The following IPCEF1 variants were observed in gnomAD, a reference collection of about 807,000 sequenced individuals.
The protein encoded by IPCEF1 is interactor protein for cytohesin exchange factors 1.
A neutral mutation model predicts 50.9 loss-of-function variants in IPCEF1; 31 were observed. The ratio of observed to expected loss-of-function variants is 0.61; its 90% confidence interval spans 0.46 to 0.82. IPCEF1 has a LOEUF of 0.82. Among genes scored for constraint, IPCEF1 ranks in the 40% least tolerant of loss-of-function variants. The pLI is 0.00. For missense variants in IPCEF1, 458 were observed against 514.0 expected (o/e 0.89, Z 1.05); for synonymous variants, 181 against 192.0 (o/e 0.94, Z 0.47).
intron 1 of IPCEF1, among the ~76,000 whole-genome samples, chr6:154,315,417 T>C (rs548722677): frequency 6.6e-6 from 1 of 152,322 alleles, no homozygotes; most frequent in African/African-American, 2.4e-5. Context: ...CTTTCTCTAA[T>C]AACAGCTGTT....
chr6:154,293,886 C>T (rs968982711), intron 1 of IPCEF1, among the ~76,000 whole-genome samples: 2 of 152,194 alleles, frequency 1.3e-5, no homozygotes, highest in Non-Finnish European at 2.9e-5. Context: ...AATGTTTCAA[C>T]TGTGAAGTCT....
intron 9 of IPCEF1, among the ~76,000 whole-genome samples, chr6:154,208,847 T>C (rs1453197881): frequency 6.6e-6 from 1 of 152,242 alleles, no homozygotes; most frequent in Non-Finnish European, 1.5e-5. Context: ...CAAATTGTCT[T>C]CCAGAGTGAA....
intron 10 of IPCEF1, among the ~76,000 whole-genome samples, chr6:154,185,196 G>A (rs1256669499): frequency 2.0e-5 from 3 of 152,168 alleles, no homozygotes; most frequent in Non-Finnish European, 4.4e-5. Flanking sequence ...AGAAAACAGA[G>A]CCTAGCAAGG....
chr6:154,233,608 T>C (rs932596169), intron 5 of IPCEF1, among the ~76,000 whole-genome samples: 3 of 152,116 alleles, frequency 2.0e-5, no homozygotes, highest in Middle Eastern at 3.2e-3. Flanking sequence ...GCATTGATTA[T>C]AAAAACAGAT....
At position 154,337,463 on chromosome 6, in the gene IPCEF1, C is replaced by A. The variant is rs547949090; in HGVS notation, c.-62+19209G>T. Among the ~76,000 whole-genome samples the A allele has an allele frequency of 3.5e-4, 53 of 152,294 alleles. 2 individuals are homozygous for A. The South Asian group carries it at 7.9e-3, about 23-fold the overall frequency. On this transcript the variant is annotated intron_variant, in intron 1 of 11. Coordinates refer to ENST00000367220, the MANE Select transcript of IPCEF1 (RefSeq NM_001130700.2). ...TGTCACACTTACTCAAAGCCCCAGA[C>A]CATGCAATGACATTCAGATAAGCAA... is the stretch of plus-strand genomic sequence containing the variant.
chr6:154,173,323 A>T (rs775397676), intron 10 of IPCEF1, among the ~76,000 whole-genome samples: 16 of 152,226 alleles, frequency 1.1e-4, no homozygotes, highest in Non-Finnish European at 2.4e-4. Context: ...AATGAATTTG[A>T]TGAGTTGACA....
chr6:154,302,490 G>T lies in IPCEF1; in HGVS notation c.-61-12734C>A, dbSNP rs115721808. Among the ~76,000 whole-genome samples, 8 of 152,068 alleles carry T rather than the reference G, an allele frequency of 5.3e-5. No homozygotes were observed. The East Asian group carries it at 1.2e-3, about 22-fold the overall frequency. On this transcript the variant is annotated intron_variant, in intron 1 of 11. Transcript: ENST00000367220. Reference sequence around the variant, plus strand: ...AGCTTTTTCTTTTCTTCTCTTTAGTGGGGGAAGGGGGTTTTGCTGTGTCTC... The same window carrying T: ...AGCTTTTTCTTTTCTTCTCTTTAGTTGGGGAAGGGGGTTTTGCTGTGTCTC...
At chr6:154,284,837 T>C (rs1782319412) in intron 2 of IPCEF1, among the ~76,000 whole-genome samples, 1 of 152,046 alleles carries the variant, frequency 6.6e-6, no homozygotes, top group Non-Finnish European at 1.5e-5. Context: ...CCGTCTCTAC[T>C]AAAAATACAA....
At chr6:154,329,605 AAAAG>A (rs553540365) in intron 1 of IPCEF1, among the ~76,000 whole-genome samples, 195 of 152,098 alleles carry the variant, frequency 1.3e-3, no homozygotes, top group African/African-American at 3.7e-3. Context: ...AAAAGAAAAA[AAAAG>A]AAAGAAAGAG....
At chr6:154,276,757 T>G (rs1782073586) in intron 2 of IPCEF1, among the ~76,000 whole-genome samples, 2 of 152,212 alleles carry the variant, frequency 1.3e-5, no homozygotes, top group Non-Finnish European at 2.9e-5. Flanking sequence ...AAACAGTAGA[T>G]CTCATTACAT....
intron 7 of IPCEF1, among the ~76,000 whole-genome samples, chr6:154,218,662 G>T (rs570358140): frequency 1.3e-5 from 2 of 152,342 alleles, no homozygotes; most frequent in African/African-American, 4.8e-5. Context: ...TCTTGTGGGA[G>T]AAGGGAGAAG....
chr6:154,239,455 A>G (rs949888592), intron 5 of IPCEF1, among the ~76,000 whole-genome samples: 1 of 152,234 alleles, frequency 6.6e-6, no homozygotes, highest in African/African-American at 2.4e-5. Flanking sequence ...AGAATTCAAG[A>G]AAGTCCTCAA....
intron 5 of IPCEF1, among the ~76,000 whole-genome samples, chr6:154,232,206 C>T (rs1354140620): frequency 6.6e-6 from 1 of 152,218 alleles, no homozygotes; most frequent in African/African-American, 2.4e-5. Flanking sequence ...CATCCTGCAA[C>T]TATCACAGAG....
intron 5 of IPCEF1, among the ~76,000 whole-genome samples, chr6:154,229,300 A>G (rs1779515893): frequency 6.6e-6 from 1 of 152,062 alleles, no homozygotes; most frequent in African/African-American, 2.4e-5. Context: ...CTCTGACAAT[A>G]AAGTGTTAAA....
rs1464522809 is a variant in IPCEF1, at chr6:154,155,380, A to G, written c.*4448T>C. 2.0e-5 allele frequency: 3 copies of G among 152,246 alleles called. No homozygotes were observed. Among genetic ancestry groups the G allele is most frequent in the African/African-American group, 7.2e-5 (3 of 41,464 alleles). The allele number at this position is 152,246 out of a possible 1,614,324, so 9.4% of individuals were successfully genotyped here. On this transcript the variant is annotated 3_prime_UTR_variant, in exon 12 of 12. Coordinates refer to ENST00000367220, the MANE Select transcript of IPCEF1 (RefSeq NM_001130700.2). The stretch of plus-strand genomic sequence containing the variant: ...AAATTGGAAGAGAAATAAATTGGAA[A>G]ACCACAATTGGATATCATATTCTTG...
chr6:154,209,992 C>T (rs1182515209), intron 9 of IPCEF1, among the ~76,000 whole-genome samples: 1 of 152,210 alleles, frequency 6.6e-6, no homozygotes, highest in Non-Finnish European at 1.5e-5. Flanking sequence ...AGTGACCTAA[C>T]TTACTGGCTT....
intron 6 of IPCEF1, chr6:154,222,903 A>G (rs1330647513): frequency 6.3e-6 from 3 of 479,474 alleles, no homozygotes; most frequent in Non-Finnish European, 1.1e-5. Context: ...GAGGGGGTTT[A>G]TTCCATCACA....
Position 154,199,832 on chromosome 6 carries a change from A to C in IPCEF1, c.746T>G (p.Val249Gly). The C allele has an allele frequency of 6.2e-7, 1 of 1,614,230 alleles. No individual in the cohort carries two copies. Among genetic ancestry groups the C allele is most frequent in the Non-Finnish European group, 8.5e-7 (1 of 1,180,028 alleles). ...CTTGTGGATGCCTGCCTCTGAGGGTACAGGTGAATGAACTTGCACAGCAAA... is the reference window on the plus strand; with the variant it reads ...CTTGTGGATGCCTGCCTCTGAGGGTCCAGGTGAATGAACTTGCACAGCAAA... ...ITFAVQVHSP[V>G]PSEAGIHKAL... Residue 249 changes from valine (V) to glycine (G), a missense_variant, in exon 10 of 12, where the codon GTA becomes GGA. By Grantham distance (109) the Val-to-Gly change is moderately radical. Transcript: ENST00000367220.
chr6:154,195,555 C>G (rs1406939843), intron 10 of IPCEF1, among the ~76,000 whole-genome samples: 1 of 152,106 alleles, frequency 6.6e-6, no homozygotes, highest in Non-Finnish European at 1.5e-5. Flanking sequence ...CAACCTCAAC[C>G]AAATGTCCTT....
Sources: allele counts gnomAD v4.1 joint callset (sites outside exome capture counted in the v4.1 genomes callset), GRCh38; gene constraint gnomAD v4.1.1; transcripts MANE v1.5; gene names NCBI Gene and HGNC (gene_info 2026-07-23, HGNC 2026-07-21).